LMBR1: variants seen among roughly 807,000 people sequenced by gnomAD.
The protein encoded by LMBR1 is limb region 1 protein homolog.
A neutral mutation model predicts 73.9 loss-of-function variants in LMBR1; 52 were observed. The ratio of observed to expected loss-of-function variants is 0.70; its 90% CI spans 0.56 to 0.89. The LOEUF is 0.89. Among genes scored for constraint, LMBR1 ranks in the 40% least tolerant of loss-of-function variants. The pLI is 0.00. For missense variants in LMBR1, 539 were observed against 579.8 expected (o/e 0.93, Z 0.72); for synonymous variants, 215 against 209.4 (o/e 1.03, Z -0.23).
chr7:156,800,659 T>C (rs186782002), intron 4 of LMBR1, among the ~76,000 whole-genome samples: 8 of 152,324 alleles, frequency 5.3e-5, no homozygotes, highest in African/African-American at 1.7e-4. Context: ...CAAGTCATAT[T>C]ATTTAAGATA....
At chr7:156,787,506 A>T (rs1828339953) in intron 5 of LMBR1, among the ~76,000 whole-genome samples, 1 of 152,246 alleles carries the variant, frequency 6.6e-6, no homozygotes, top group Non-Finnish European at 1.5e-5. Flanking sequence ...AAACATATAT[A>T]ATCAGGCTCA....
chr7:156,802,292 C>G (rs1026781252), intron 4 of LMBR1, among the ~76,000 whole-genome samples: 2 of 152,216 alleles, frequency 1.3e-5, no homozygotes, highest in African/African-American at 4.8e-5. Flanking sequence ...CCCTAAACTT[C>G]TTATATTCTT....
chr7:156,832,891 GA>G (rs1836936432), intron 3 of LMBR1, among the ~76,000 whole-genome samples: 1 of 152,200 alleles, frequency 6.6e-6, no homozygotes. Flanking sequence ...TAAAGGACAT[GA>G]CACCCAAATG....
chr7:156,674,340 T>C (rs1015542587), downstream of LMBR1, among the ~76,000 whole-genome samples: 2 of 152,196 alleles, frequency 1.3e-5, no homozygotes, highest in Non-Finnish European at 2.9e-5. Context: ...CACCTGGGCA[T>C]GGGGGAATGG....
chr7:156,862,118 C>T (rs1007504011), intron 1 of LMBR1, among the ~76,000 whole-genome samples: 1 of 152,156 alleles, frequency 6.6e-6, no homozygotes, highest in South Asian at 2.1e-4. Context: ...AGAAACTGGG[C>T]AATTTACAAA....
At chr7:156,716,121 T>C (rs184169208) in intron 15 of LMBR1, among the ~76,000 whole-genome samples, 27 of 152,276 alleles carry the variant, frequency 1.8e-4, no homozygotes, top group African/African-American at 6.5e-4. Flanking sequence ...TTAAGGAACA[T>C]AAAGTTTCAT....
intron 10 of LMBR1, among the ~76,000 whole-genome samples, chr7:156,733,146 AAAAACAAAAC>A (rs559825892): frequency 6.6e-6 from 1 of 152,186 alleles, no homozygotes; most frequent in Non-Finnish European, 1.5e-5. Context: ...CTCTGTCTTA[AAAAACAAAAC>A]AAAACAAAAC....
chr7:156,769,200 A>G (rs1563317964), intron 5 of LMBR1, among the ~76,000 whole-genome samples: 2 of 152,186 alleles, frequency 1.3e-5, no homozygotes, highest in African/African-American at 4.8e-5. Context: ...TCAGTAGCTC[A>G]CACCTGTAAT....
rs182140956 is a variant in LMBR1 at position 156,868,098 on chromosome 7, C to T, written c.66+24830G>A. Among the ~76,000 whole-genome samples the T allele has an allele frequency of 3.7e-3, 562 of 151,630 alleles. 2 individuals carry two copies. The highest frequency in any genetic ancestry group is 6.3e-3 in the Non-Finnish European group (428 of 67,942). ...CTGTGATTAATGCAATTCTGTGCAC[C>T]TTAAGTCCAAATGAAAAAGGGAAAA... On this transcript the variant is annotated intron_variant, in intron 1 of 16. Transcript: ENST00000353442.
At position 156,698,778 on chromosome 7, in the gene LMBR1, T is replaced by C. The variant is rs574756782; in HGVS notation, c.1226-10587A>G. ...TGGGAGGGGCTGCCGTAAAGGTTTC[T>C]GACATGCCCTGGAGACACTTTCCCC... is the stretch of plus-strand genomic sequence containing the variant. On this transcript the variant is annotated intron_variant, in intron 15 of 16. Coordinates refer to ENST00000353442, the MANE Select transcript of LMBR1 (RefSeq NM_022458.4). Among the ~76,000 whole-genome samples, 14 of 152,320 alleles carry C rather than the reference T, an allele frequency of 9.2e-5. 1 individual carries two copies. The South Asian group carries it at 2.1e-3, about 23-fold the overall frequency.
intron 1 of LMBR1, among the ~76,000 whole-genome samples, chr7:156,860,863 T>C (rs1194938343): frequency 1.3e-5 from 2 of 152,262 alleles, no homozygotes; most frequent in Non-Finnish European, 1.5e-5. Context: ...GTCACACTGA[T>C]GCAAAAGGTG....
chr7:156,762,855 G>GTGTGTGTGTGTGTT (rs1221721565), intron 7 of LMBR1, among the ~76,000 whole-genome samples: 2 of 151,912 alleles, frequency 1.3e-5, no homozygotes, highest in Non-Finnish European at 2.9e-5. Flanking sequence ...GAGTGTGTGT[G>GTGTGTGTGTGTGTT]TGTGTGTGTG....
At chr7:156,833,171 T>C (rs1836989044) in intron 3 of LMBR1, among the ~76,000 whole-genome samples, 2 of 152,192 alleles carry the variant, frequency 1.3e-5, no homozygotes, top group Admixed American at 1.3e-4. Flanking sequence ...CAAAAGAATT[T>C]TAATGTATCA....
At chr7:156,710,281 T>A (rs543522782) in intron 15 of LMBR1, among the ~76,000 whole-genome samples, 1 of 152,192 alleles carries the variant, frequency 6.6e-6, no homozygotes, top group East Asian at 1.9e-4. Context: ...GTTAACAATA[T>A]AGGATATGGA....
rs188479047 is a variant in LMBR1, at chr7:156,752,040, T to C, written c.757+4353A>G. 2.5e-4 allele frequency among the ~76,000 whole-genome samples: 38 copies of C among 152,206 alleles called. 1 individual carries two copies. The highest frequency in any genetic ancestry group is 8.4e-4 in the African/African-American group (35 of 41,524). On this transcript the variant is annotated intron_variant, in intron 9 of 16. Coordinates refer to ENST00000353442, the MANE Select transcript of LMBR1 (RefSeq NM_022458.4). Reference sequence around the variant, plus strand: ...TGAGACTTTCCAGGTGAAGAAGTTATAGACACAGAAAAGCCAGAAAAGTGG... The same window carrying C: ...TGAGACTTTCCAGGTGAAGAAGTTACAGACACAGAAAAGCCAGAAAAGTGG...
chr7:156,726,763 CACTG>C (rs1381494259), intron 12 of LMBR1, among the ~76,000 whole-genome samples: 1 of 152,188 alleles, frequency 6.6e-6, no homozygotes, highest in Non-Finnish European at 1.5e-5. Flanking sequence ...GAAGGTCACA[CACTG>C]ATCTGTCTCC....
rs1052524344 is a variant in LMBR1 at position 156,682,133 on chromosome 7, G to A, written c.*1945C>T. The A allele has an allele frequency of 1.3e-5, 2 of 152,250 alleles. No homozygotes were observed. Among genetic ancestry groups the A allele is most frequent in the African/African-American group, 4.8e-5 (2 of 41,442 alleles). 9.4% of individuals were successfully genotyped at this position (152,250 alleles called of 1,614,324 possible). A position where few individuals can be genotyped will look rare whatever the true frequency, so the allele number is the denominator to read the frequency against. On this transcript the variant is annotated 3_prime_UTR_variant, in exon 17 of 17. Transcript: ENST00000353442. ...GCCTCCAGGAAGTGTATTGTACTCA[G>A]GGCTTACAAATCCAAAACTGGCTTA...
At chr7:156,795,579 T>G (rs968197790) in intron 5 of LMBR1, among the ~76,000 whole-genome samples, 3 of 152,192 alleles carry the variant, frequency 2.0e-5, no homozygotes, top group African/African-American at 7.2e-5. Flanking sequence ...TCTTGGTTTT[T>G]GTTTGTTTCT....
chr7:156,749,363 A>G (rs1474145387), intron 9 of LMBR1, among the ~76,000 whole-genome samples: 2 of 152,210 alleles, frequency 1.3e-5, no homozygotes, highest in Non-Finnish European at 2.9e-5. Flanking sequence ...CTGACAGACT[A>G]CTACTCTGAG....
Sources: gnomAD v4.1 joint callset for allele counts (sites outside exome capture counted in the v4.1 genomes callset) on GRCh38, gnomAD v4.1.1 for gene constraint, MANE v1.5 for transcripts, NCBI Gene and HGNC (gene_info 2026-07-23, HGNC 2026-07-21) for gene names.